Variants in DGKB observed in about 807,000 individuals in gnomAD.
DGKB encodes 90 kDa diacylglycerol kinase.
In DGKB, 67 loss-of-function variants were observed where a neutral mutation model predicts 114.3. The ratio of observed to expected loss-of-function variants is 0.59; its 90% CI spans 0.48 to 0.72. The LOEUF (loss-of-function observed/expected upper bound fraction) is 0.72, where lower values mean the gene tolerates loss of function less well. Among genes scored for constraint, DGKB ranks in the 30% least tolerant of loss-of-function variants. The pLI is 0.00. For missense variants in DGKB, 907 were observed against 975.2 expected (o/e 0.93, Z 0.93); for synonymous variants, 398 against 323.1 (o/e 1.23, Z -2.49).
intron 21 of DGKB, among the ~76,000 whole-genome samples, chr7:14,372,392 A>G (rs1453022037): frequency 6.6e-6 from 1 of 152,160 alleles, no homozygotes; most frequent in African/African-American, 2.4e-5. Context: ...CTAATCTGCC[A>G]TCTTGGGAGT....
chr7:14,443,852 T>C (rs1830395443), intron 21 of DGKB, among the ~76,000 whole-genome samples: 1 of 152,048 alleles, frequency 6.6e-6, no homozygotes, highest in Non-Finnish European at 1.5e-5. Context: ...CAACATTTTT[T>C]ATGCACTGTT....
chr7:14,288,373 T>G (rs954682855), intron 23 of DGKB, among the ~76,000 whole-genome samples: 2 of 151,418 alleles, frequency 1.3e-5, no homozygotes, highest in African/African-American at 4.8e-5. Flanking sequence ...TAAATAAATT[T>G]TAGTGTCATT....
At position 14,348,757 on chromosome 7, in the gene DGKB, C is replaced by G. The variant is rs527248857; in HGVS notation, c.1836-3366G>C. The stretch of plus-strand genomic sequence containing the variant: ...GTAGGAACATACTTCAATGATTCAG[C>G]TAATTTTATCTCAAGAGTCCTGCAA... On this transcript the variant is annotated intron_variant, in intron 21 of 25. Transcript: ENST00000402815. Among the ~76,000 whole-genome samples the G allele has an allele frequency of 5.3e-5, 8 of 151,680 alleles. No individual in the cohort carries two copies. In the South Asian group the frequency reaches 1.7e-3, roughly 31 times the overall value.
At chr7:14,377,873 C>T (rs1329319852) in intron 21 of DGKB, among the ~76,000 whole-genome samples, 1 of 152,144 alleles carries the variant, frequency 6.6e-6, no homozygotes, top group Non-Finnish European at 1.5e-5. Flanking sequence ...TTGGGATTGT[C>T]CCATCAAAGA....
chr7:14,939,825 G>T (rs55845745), intron 1 of DGKB, among the ~76,000 whole-genome samples: 21,579 of 151,732 alleles, frequency 0.14, 1,597 homozygotes, highest in Admixed American at 0.2. Flanking sequence ...GTGTTAGCCA[G>T]CATGGTCTTG....
At chr7:14,778,630 T>C (rs867408584) in intron 2 of DGKB, among the ~76,000 whole-genome samples, 1 of 152,142 alleles carries the variant, frequency 6.6e-6, no homozygotes, top group Non-Finnish European at 1.5e-5. Flanking sequence ...TTAATTGAGG[T>C]CTCATGCAAA....
chr7:14,232,468 G>A (rs1792061239), intron 23 of DGKB, among the ~76,000 whole-genome samples: 1 of 151,168 alleles, frequency 6.6e-6, no homozygotes, highest in Non-Finnish European at 1.5e-5. Context: ...TTTGAACTTA[G>A]GATGATTGGC....
chr7:14,667,479 C>G (rs1024462446), intron 13 of DGKB, among the ~76,000 whole-genome samples: 1 of 152,036 alleles, frequency 6.6e-6, no homozygotes, highest in Non-Finnish European at 1.5e-5. Flanking sequence ...TCAATATCCA[C>G]TTTGTATTAA....
chr7:14,561,757 C>T (rs2082271), intron 20 of DGKB, among the ~76,000 whole-genome samples: 78,203 of 152,032 alleles, frequency 0.51, 20,186 homozygotes, highest in South Asian at 0.58. Context: ...TTCTAAGTGG[C>T]AAAGCATTCA....
intron 21 of DGKB, among the ~76,000 whole-genome samples, chr7:14,363,016 C>G (rs1206023772): frequency 6.6e-6 from 1 of 152,090 alleles, no homozygotes; most frequent in Non-Finnish European, 1.5e-5. Flanking sequence ...TAAATGCCAC[C>G]TTCCCCCTCT....
chr7:14,766,389 A>G (rs1004844381), intron 2 of DGKB, among the ~76,000 whole-genome samples: 5 of 151,850 alleles, frequency 3.3e-5, no homozygotes, highest in African/African-American at 1.2e-4. Flanking sequence ...AGCCAAAAGA[A>G]TTTCCTTATT....
chr7:14,645,408 C>T (rs545024139), intron 13 of DGKB, among the ~76,000 whole-genome samples: 5 of 152,092 alleles, frequency 3.3e-5, no homozygotes, highest in East Asian at 3.9e-4. Context: ...TATTCTCTGC[C>T]GCTCGCCGAA....
At chr7:14,357,344 T>A (rs1814762975) in intron 21 of DGKB, among the ~76,000 whole-genome samples, 1 of 152,174 alleles carries the variant, frequency 6.6e-6, no homozygotes, top group Non-Finnish European at 1.5e-5. Flanking sequence ...CCTTTACCAT[T>A]ACGTAATGGC....
At chr7:14,165,575 CT>C (rs1368015208) in intron 25 of DGKB, among the ~76,000 whole-genome samples, 1 of 152,086 alleles carries the variant, frequency 6.6e-6, no homozygotes, top group African/African-American at 2.4e-5. Context: ...TAAAAAATAC[CT>C]ATTGTTTCTT....
At chr7:14,414,981 A>G (rs1362038825) in intron 21 of DGKB, among the ~76,000 whole-genome samples, 1 of 149,638 alleles carries the variant, frequency 6.7e-6, no homozygotes, top group Non-Finnish European at 1.5e-5. Flanking sequence ...GATGTGATCT[A>G]TGTTGAAACA....
rs546191046 is a variant in DGKB, at chr7:14,954,822, G to C, written c.-188+19874C>G. Among the ~76,000 whole-genome samples the C allele has an allele frequency of 2.6e-4, 40 of 152,104 alleles. No individual in the cohort carries two copies. In the South Asian group the frequency reaches 7.7e-3, roughly 29 times the overall value. On this transcript the variant is annotated intron_variant, in intron 1 of 4. Coordinates refer to the DGKB transcript ENST00000437998. ...TAACCAGTAAATAGTTGGTTACATA[G>C]AGCTGAAATGCTCAAGAGAAGTTTA... is the stretch of plus-strand genomic sequence containing the variant.
chr7:14,907,484 G>A (rs1783769989), upstream of DGKB, among the ~76,000 whole-genome samples: 1 of 152,218 alleles, frequency 6.6e-6, no homozygotes, highest in African/African-American at 2.4e-5. Context: ...ATCAAATAAT[G>A]TGTCATGTGT....
At chr7:14,579,467 C>G (rs1273875885) in intron 19 of DGKB, among the ~76,000 whole-genome samples, 1 of 152,152 alleles carries the variant, frequency 6.6e-6, no homozygotes, top group Non-Finnish European at 1.5e-5. Context: ...TCATATACAT[C>G]AAATATATGT....
intron 5 of DGKB, among the ~76,000 whole-genome samples, chr7:14,733,034 C>G (rs371512674): frequency 5.9e-4 from 90 of 152,202 alleles, no homozygotes; most frequent in African/African-American, 1.9e-3. Flanking sequence ...TTATTTAATT[C>G]AATTTAAGGT....
Sources: gnomAD v4.1 joint callset for allele counts (sites outside exome capture counted in the v4.1 genomes callset) on GRCh38, gnomAD v4.1.1 for gene constraint, MANE v1.5 for transcripts, NCBI Gene and HGNC (gene_info 2026-07-23, HGNC 2026-07-21) for gene names.